The following SLC25A29 variants were observed in gnomAD, a reference collection of about 807,000 sequenced individuals.
SLC25A29 encodes the protein solute carrier family 25 member 29.
SLC25A29 carries 13 observed loss-of-function variants against 10.0 expected under a neutral mutation model. The observed-to-expected ratio is 1.30, with a 90% CI of 0.85 to 2.07. SLC25A29 has a LOEUF of 2.07. Ranked by LOEUF, SLC25A29 falls within the 30% of genes most tolerant of loss-of-function variation. The pLI is 0.00. For missense variants in SLC25A29, 475 were observed against 447.6 expected (o/e 1.06, Z -0.55); for synonymous variants, 244 against 221.1 (o/e 1.10, Z -0.92).
intron 2 of SLC25A29, 60 bp downstream of exon 2, chr14:100,298,782 A>C (rs1892340876): frequency 6.2e-7 from 1 of 1,609,560 alleles, no homozygotes; most frequent in South Asian, 1.1e-5. Context: ...AGCCACCCCA[A>C]CCCTGTGAGC....
At chr14:100,288,504 CAAGGCACTG>C (rs1891590749), downstream of SLC25A29, among the ~76,000 whole-genome samples, 1 of 151,936 alleles carries the variant, frequency 6.6e-6, no homozygotes, top group Non-Finnish European at 1.5e-5. Flanking sequence ...CCACTGTCCC[CAAGGCACTG>C]CCATGTGACC....
chr14:100,293,499 A>G lies in SLC25A29; in HGVS notation c.79-122T>C, dbSNP rs187762134. 7.2e-4 allele frequency: 547 copies of G among 763,088 alleles called. 2 individuals carry two copies. The African/African-American group carries it at 8.9e-3, about 12-fold the overall frequency. 47.3% of individuals were successfully genotyped at this position (763,088 alleles called of 1,614,324 possible). ...AGGCCGGGCACTCAGGCACAGTCTA[A>G]GACTTTTGTAATTCCAGGGCAGGGT... On this transcript the variant is annotated intron_variant, in intron 2 of 3. Coordinates refer to ENST00000359232, the MANE Select transcript of SLC25A29 (RefSeq NM_001039355.3).
At chr14:100,295,639 G>A (rs775976507) in intron 2 of SLC25A29, 14 of 1,289,302 alleles carry the variant, frequency 1.1e-5, no homozygotes, top group Admixed American at 6.9e-5. Flanking sequence ...CGCTCTCCAG[G>A]GTGAGGCTTA....
At chr14:100,299,248 A>C in intron 1 of SLC25A29, 1 of 1,092,464 alleles carries the variant, frequency 9.2e-7, no homozygotes. Context: ...AACACCTGAC[A>C]TGGGCAGGAG....
intron 1 of SLC25A29, chr14:100,299,218 T>C (rs1300335676): frequency 8.5e-7 from 1 of 1,179,436 alleles, no homozygotes; most frequent in African/African-American, 1.6e-5. Context: ...ACACTATTTC[T>C]GGGATATCCC....
In SLC25A29 at chr14:100,306,269, C is replaced by T. The variant is rs2139820022; in HGVS notation, c.-37G>A. 3 of 1,444,464 alleles carry T rather than the reference C, an allele frequency of 2.1e-6. No homozygotes were observed. The highest frequency in any genetic ancestry group is 2.7e-6 in the Non-Finnish European group (3 of 1,102,146). The allele number at this position is 1,444,464 out of a possible 1,614,324, so 89.5% of individuals were successfully genotyped here. On this transcript the variant is annotated 5_prime_UTR_variant, in exon 1 of 4. Transcript: ENST00000359232. Reference sequence around the variant, plus strand: ...CGGCGAGGCCGCCTTTCCTCCTCGTCCTCCCCCTGAGGCCCCTCGCCGGGC... The same window carrying T: ...CGGCGAGGCCGCCTTTCCTCCTCGTTCTCCCCCTGAGGCCCCTCGCCGGGC...
In SLC25A29 at chr14:100,291,960, A is replaced by C; in HGVS notation, c.*323T>G. 1 of 361,944 alleles carries C rather than the reference A, an allele frequency of 2.8e-6. No individual in the cohort carries two copies. The highest frequency in any genetic ancestry group is 5.1e-6 in the Non-Finnish European group (1 of 196,420). 22.4% of individuals were successfully genotyped at this position (361,944 alleles called of 1,614,324 possible). ...ACAATGACGTGGCCAGGATCCCAGAAAGGGGCTGGAGTGTCTGCCTCAGTT... is the reference window on the plus strand; with the variant it reads ...ACAATGACGTGGCCAGGATCCCAGACAGGGGCTGGAGTGTCTGCCTCAGTT... On this transcript the variant is annotated 3_prime_UTR_variant, in exon 4 of 4. Coordinates refer to ENST00000359232, the MANE Select transcript of SLC25A29 (RefSeq NM_001039355.3).
rs1001656516 is a variant in SLC25A29 at position 100,295,929 on chromosome 14, C to T, written c.79-2552G>A. 32 of 1,288,264 alleles carry T rather than the reference C, an allele frequency of 2.5e-5. No individual in the cohort carries two copies. The East Asian group carries it at 3.3e-4, about 13-fold the overall frequency. 79.8% of individuals were successfully genotyped at this position (1,288,264 alleles called of 1,614,324 possible). The stretch of plus-strand genomic sequence containing the variant: ...CGTGTGAAGGCCGTGTGCTTCAGGA[C>T]GGTGGCTGTGGTTCTGGGCGCTATA... On this transcript the variant is annotated intron_variant, in intron 2 of 3. Transcript: ENST00000359232.
rs1171665902 is a variant in SLC25A29, at chr14:100,291,276, G to A, written c.*1007C>T. ...CTAGCCACCCCTGTGCCCACTAGCA[G>A]GCCCTGTGCCTTCACAGGGATGAAG... is the stretch of plus-strand genomic sequence containing the variant. On this transcript the variant is annotated 3_prime_UTR_variant, in exon 4 of 4. Coordinates refer to ENST00000359232, the MANE Select transcript of SLC25A29 (RefSeq NM_001039355.3). 2 of 152,296 alleles carry A rather than the reference G, an allele frequency of 1.3e-5. No homozygotes were observed. Among genetic ancestry groups the A allele is most frequent in the African/African-American group, 4.8e-5 (2 of 41,460 alleles). The allele number at this position is 152,296 out of a possible 1,614,324, so 9.4% of individuals were successfully genotyped here.
the SLC25A29 span, among the ~76,000 whole-genome samples, chr14:100,284,047 A>G: frequency 6.6e-6 from 1 of 151,920 alleles, no homozygotes; most frequent in Non-Finnish European, 1.5e-5. Flanking sequence ...CGCAGCCCAT[A>G]ACATTTGTTG....
downstream of SLC25A29, among the ~76,000 whole-genome samples, chr14:100,287,578 C>T (rs1891568058): frequency 6.7e-6 from 1 of 150,196 alleles, no homozygotes; most frequent in Non-Finnish European, 1.5e-5. Flanking sequence ...CCAAGGGCTT[C>T]TTCTGCCGTT....
chr14:100,287,625 A>ACCC (rs1475358138), downstream of SLC25A29, among the ~76,000 whole-genome samples: 71 of 75,994 alleles, frequency 9.3e-4, no homozygotes, highest in Middle Eastern at 0.01. Context: ...CCACTGGAGC[A>ACCC]CCACCCCCCC....
downstream of SLC25A29, among the ~76,000 whole-genome samples, chr14:100,286,172 G>A (rs1240234979): frequency 6.6e-6 from 1 of 152,110 alleles, no homozygotes; most frequent in African/African-American, 2.4e-5. Context: ...ACCCAACCTG[G>A]CCCTGTACTC....
At chr14:100,304,100 T>C (rs1009545908) in intron 1 of SLC25A29, among the ~76,000 whole-genome samples, 7 of 152,184 alleles carry the variant, frequency 4.6e-5, no homozygotes, top group Middle Eastern at 3.4e-3. Context: ...ACTAGGCGAA[T>C]AGTAGGGGGT....
At chr14:100,303,581 C>G (rs1228147215) in intron 1 of SLC25A29, among the ~76,000 whole-genome samples, 1 of 152,226 alleles carries the variant, frequency 6.6e-6, no homozygotes, top group African/African-American at 2.4e-5. Context: ...TCTCCTTCAC[C>G]CAGAAGAACC....
the SLC25A29 span, among the ~76,000 whole-genome samples, chr14:100,283,143 C>G: frequency 6.6e-6 from 1 of 152,238 alleles, no homozygotes; most frequent in Non-Finnish European, 1.5e-5. Flanking sequence ...CTGGGATGGA[C>G]TCGGAAGAAC....
intron 2 of SLC25A29, chr14:100,294,985 CA>C (rs1892041150): frequency 6.6e-6 from 1 of 152,434 alleles, no homozygotes; most frequent in South Asian, 2.1e-4. Context: ...GTTCCTCCTG[CA>C]GCCCCAACAC....
intron 1 of SLC25A29, 141 bp downstream of exon 1, chr14:100,306,058 C>G: frequency 1.8e-6 from 1 of 547,094 alleles, no homozygotes; most frequent in Non-Finnish European, 2.9e-6. Flanking sequence ...GAGACCCGCC[C>G]GAGGCAAGAG....
In SLC25A29 at chr14:100,292,485, T is replaced by C; in HGVS notation, c.710A>G (p.Gln237Arg). The change falls in exon 4 of 4, where the codon CAG becomes CGG. Residue 237 changes from glutamine to arginine, a missense_variant. Gln to Arg is a conservative substitution (Grantham distance 43, BLOSUM62 1). Coordinates refer to ENST00000359232, the MANE Select transcript of SLC25A29 (RefSeq NM_001039355.3). ...RYRGILDCVH[Q>R]SYRAEGWRVF... ...GCGCCAGCCCTCGGCGCGGTAGCTC[T>C]GGTGCACGCAGTCCAGGATGCCGCG... 8 of 1,586,416 alleles carry C rather than the reference T, an allele frequency of 5.0e-6. No individual in the cohort carries two copies. The highest frequency in any genetic ancestry group is 6.8e-6 in the Non-Finnish European group (8 of 1,168,100).
Sources: gnomAD v4.1 joint callset for allele counts (sites outside exome capture counted in the v4.1 genomes callset) on GRCh38, gnomAD v4.1.1 for gene constraint, MANE v1.5 for transcripts, NCBI Gene and HGNC (gene_info 2026-07-23, HGNC 2026-07-21) for gene names.